RBMS3: variants seen among roughly 807,000 people sequenced by gnomAD.
RBMS3 encodes RNA-binding motif, single-stranded-interacting protein 3.
In RBMS3, 27 loss-of-function variants were observed where a neutral mutation model predicts 66.8. The observed-to-expected ratio is 0.40, with a 90% CI of 0.30 to 0.56. The LOEUF (loss-of-function observed/expected upper bound fraction) is 0.56, where lower values mean the gene tolerates loss of function less well. Among genes scored for constraint, RBMS3 ranks in the 20% least tolerant of loss-of-function variants. The pLI, the probability that RBMS3 is intolerant of heterozygous loss-of-function variation, is 0.40. For synonymous variants in RBMS3, 188 were observed against 183.0 expected (o/e 1.03, Z -0.22); for missense variants, 513 against 549.5 (o/e 0.93, Z 0.66).
intron 3 of RBMS3, among the ~76,000 whole-genome samples, chr3:29,548,548 T>A (rs39690): frequency 0.53 from 79,788 of 151,690 alleles, 21,502 homozygotes; most frequent in Middle Eastern, 0.66. Flanking sequence ...AAAATACTTT[T>A]TAAAGGAAAA....
chr3:29,993,477 A>G (rs1290653537), intron 14 of RBMS3, among the ~76,000 whole-genome samples: 1 of 152,182 alleles, frequency 6.6e-6, no homozygotes, highest in Non-Finnish European at 1.5e-5. Flanking sequence ...TGGCAAAACA[A>G]TATTTCTGGG....
chr3:29,947,735 A>T (rs1559828298), intron 12 of RBMS3, among the ~76,000 whole-genome samples: 1 of 151,462 alleles, frequency 6.6e-6, no homozygotes, highest in Non-Finnish European at 1.5e-5. Flanking sequence ...ATGTAAAGGC[A>T]TAGTAAAATG....
At chr3:29,802,130 C>T (rs778055630) in intron 6 of RBMS3, among the ~76,000 whole-genome samples, 1 of 152,140 alleles carries the variant, frequency 6.6e-6, no homozygotes, top group Non-Finnish European at 1.5e-5. Context: ...GTACCTGTAA[C>T]ACTCTTGCTC....
chr3:29,489,739 TAA>T (rs201069908), intron 3 of RBMS3, among the ~76,000 whole-genome samples: 7,147 of 123,874 alleles, frequency 0.058, 415 homozygotes, highest in African/African-American at 0.15. Context: ...CACGTAGCTG[TAA>T]AAAAAAAAAA....
intron 6 of RBMS3, among the ~76,000 whole-genome samples, chr3:29,794,305 G>T (rs1386004067): frequency 6.6e-6 from 1 of 152,164 alleles, no homozygotes; most frequent in Non-Finnish European, 1.5e-5. Flanking sequence ...ACCACATGAT[G>T]GCGGGGCACG....
At chr3:29,466,420 T>G (rs2042544472) in intron 2 of RBMS3, among the ~76,000 whole-genome samples, 2 of 152,176 alleles carry the variant, frequency 1.3e-5, no homozygotes, top group Admixed American at 1.3e-4. Context: ...ACCTAGTGAT[T>G]GTTTATATAT....
intron 1 of RBMS3, among the ~76,000 whole-genome samples, chr3:29,398,416 G>A (rs1575708297): frequency 6.6e-6 from 1 of 152,258 alleles, no homozygotes; most frequent in East Asian, 1.9e-4. Context: ...TGGTCATCAG[G>A]AAGGTCTCAA....
At chr3:29,337,074 A>G (rs975981472) in intron 1 of RBMS3, among the ~76,000 whole-genome samples, 4 of 152,136 alleles carry the variant, frequency 2.6e-5, no homozygotes, top group African/African-American at 9.7e-5. Flanking sequence ...TACATATAAT[A>G]TGGTTAATTA....
chr3:29,430,655 T>C (rs1006547597), intron 1 of RBMS3, among the ~76,000 whole-genome samples: 7 of 152,204 alleles, frequency 4.6e-5, no homozygotes, highest in African/African-American at 1.4e-4. Context: ...TAAACACATA[T>C]TGATCATCCT....
rs1559781529 is a variant in RBMS3, at chr3:29,899,702, T to C, written c.889-3T>C. 10 of 1,608,916 alleles carry C rather than the reference T, an allele frequency of 6.2e-6. No individual in the cohort carries two copies. The highest frequency in any genetic ancestry group is 5.9e-6 in the Non-Finnish European group (7 of 1,177,162). Reference sequence around the variant, plus strand: ...GTGCTAATAAATGCTGTTTGATGCATAGGTCCAGAGTACTTCATGGATGCC... The same window carrying C: ...GTGCTAATAAATGCTGTTTGATGCACAGGTCCAGAGTACTTCATGGATGCC... On this transcript the variant is annotated splice_polypyrimidine_tract_variant and splice_region_variant and intron_variant, in intron 9 of 14. Coordinates refer to ENST00000383767, the MANE Select transcript of RBMS3 (RefSeq NM_001003793.3).
intron 12 of RBMS3, among the ~76,000 whole-genome samples, chr3:29,946,589 C>T (rs960290976): frequency 3.3e-5 from 5 of 151,420 alleles, no homozygotes; most frequent in Admixed American, 2.0e-4. Context: ...TTTGTGTTGT[C>T]GTGATGTGAA....
At chr3:29,915,010 A>G (rs923809522) in intron 10 of RBMS3, among the ~76,000 whole-genome samples, 1 of 151,888 alleles carries the variant, frequency 6.6e-6, no homozygotes, top group Non-Finnish European at 1.5e-5. Context: ...CCAAGCCTAT[A>G]AGAAAAATTT....
chr3:29,982,916 A>C (rs1307670003), intron 12 of RBMS3, among the ~76,000 whole-genome samples: 1 of 152,160 alleles, frequency 6.6e-6, no homozygotes, highest in Non-Finnish European at 1.5e-5. Context: ...GTAGATGTCT[A>C]TTAGGTCTAC....
rs540065572 is a variant in RBMS3, at chr3:29,996,928, T to C, written c.1307+5719T>C. On this transcript the variant is annotated intron_variant, in intron 14 of 14. Transcript: ENST00000383767. Reference sequence around the variant, plus strand: ...GAAATAACTAAAATCAGAGCAGAACTGAGGGAAATAGAGACACAAAAAACC... The same window carrying C: ...GAAATAACTAAAATCAGAGCAGAACCGAGGGAAATAGAGACACAAAAAACC... Among the ~76,000 whole-genome samples, 121 of 151,872 alleles carry C rather than the reference T, an allele frequency of 8.0e-4. 1 individual carries two copies. The highest frequency in any genetic ancestry group is 5.9e-5 in the Non-Finnish European group (4 of 67,984).
chr3:29,493,891 TC>T (rs2148923368), intron 3 of RBMS3, among the ~76,000 whole-genome samples: 1 of 152,320 alleles, frequency 6.6e-6, no homozygotes, highest in African/African-American at 2.4e-5. Context: ...GGTGCCTTTT[TC>T]AAACAAAATC....
At chr3:29,681,599 A>T (rs2051500300) in intron 4 of RBMS3, among the ~76,000 whole-genome samples, 1 of 150,846 alleles carries the variant, frequency 6.6e-6, no homozygotes. Context: ...GTGAGAACAC[A>T]CAGTGTTTGG....
chr3:29,351,885 A>G (rs772918175), intron 1 of RBMS3, among the ~76,000 whole-genome samples: 2 of 152,012 alleles, frequency 1.3e-5, no homozygotes, highest in Non-Finnish European at 2.9e-5. Context: ...ATACACATGT[A>G]CGTGCTCATA....
intron 6 of RBMS3, among the ~76,000 whole-genome samples, chr3:29,850,892 C>T (rs1488408946): frequency 1.3e-5 from 2 of 152,170 alleles, no homozygotes; most frequent in Admixed American, 1.3e-4. Flanking sequence ...CACTGGTCTC[C>T]TCTCCCATCA....
chr3:29,284,582 C>T (rs773746895), intron 1 of RBMS3, among the ~76,000 whole-genome samples: 6 of 152,102 alleles, frequency 3.9e-5, no homozygotes, highest in East Asian at 1.9e-4. Context: ...GAAGAACTTG[C>T]GACACTTCCC....
Sources: allele counts gnomAD v4.1 joint callset (sites outside exome capture counted in the v4.1 genomes callset), GRCh38; gene constraint gnomAD v4.1.1; transcripts MANE v1.5; gene names NCBI Gene and HGNC (gene_info 2026-07-23, HGNC 2026-07-21).